CA8: variants seen among roughly 807,000 people sequenced by gnomAD.
CA8 encodes carbonic anhydrase-related protein.
Under a neutral mutation model 41.4 loss-of-function variants are expected in CA8, and 22 were observed. That is an observed-to-expected ratio of 0.53 (90% CI 0.38 to 0.76). The LOEUF (loss-of-function observed/expected upper bound fraction) is 0.76. CA8 is among the 30% of genes least tolerant of loss of function. CA8 has a pLI of 0.00. For missense variants in CA8, 270 were observed against 352.8 expected (o/e 0.77, Z 1.88); for synonymous variants, 121 against 130.6 (o/e 0.93, Z 0.50).
At chr8:60,265,471 A>ATC (rs1038523910) in intron 3 of CA8, 10 of 157,406 alleles carry the variant, frequency 6.4e-5, no homozygotes, top group African/African-American at 2.4e-4. Flanking sequence ...CTCTCAAAAA[A>ATC]TCTCTCTTTC....
intron 3 of CA8, among the ~76,000 whole-genome samples, chr8:60,246,034 C>CT (rs941015097): frequency 1.3e-5 from 2 of 152,130 alleles, no homozygotes; most frequent in African/African-American, 4.8e-5. Flanking sequence ...GCAGTGAGGA[C>CT]TTCCCTTATA....
At chr8:60,211,492 A>G (rs1254445150) in intron 7 of CA8, among the ~76,000 whole-genome samples, 1 of 152,218 alleles carries the variant, frequency 6.6e-6, no homozygotes, top group Non-Finnish European at 1.5e-5. Flanking sequence ...GCCTCAACAT[A>G]TGAAAGAATC....
chr8:60,235,013 G>T (rs962084970), intron 3 of CA8, among the ~76,000 whole-genome samples: 11 of 152,172 alleles, frequency 7.2e-5, no homozygotes, highest in Admixed American at 5.2e-4. Flanking sequence ...TAGGTGCGTG[G>T]CTCACAGGCA....
chr8:60,215,040 C>A (rs1271485618), intron 7 of CA8, among the ~76,000 whole-genome samples: 1 of 152,148 alleles, frequency 6.6e-6, no homozygotes, highest in Non-Finnish European at 1.5e-5. Flanking sequence ...ACTTAATTAT[C>A]AACCCATTTC....
At chr8:60,199,982 T>G in intron 8 of CA8, among the ~76,000 whole-genome samples, 1 of 152,232 alleles carries the variant, frequency 6.6e-6, no homozygotes, top group East Asian at 1.9e-4. Context: ...CATGGTTTCT[T>G]CTCTAACCAG....
chr8:60,250,423 T>C (rs1446762944), intron 3 of CA8, among the ~76,000 whole-genome samples: 2 of 152,218 alleles, frequency 1.3e-5, no homozygotes, highest in African/African-American at 4.8e-5. Context: ...AAGACTCAAA[T>C]CTTAGAGGAA....
At chr8:60,193,056 A>G (rs368561216) in intron 8 of CA8, among the ~76,000 whole-genome samples, 2 of 152,030 alleles carry the variant, frequency 1.3e-5, no homozygotes, top group African/African-American at 2.4e-5. Context: ...GGTTGAATCA[A>G]TTATGCAACT....
At chr8:60,205,775 TC>T (rs1183859124) in intron 8 of CA8, among the ~76,000 whole-genome samples, 1 of 152,204 alleles carries the variant, frequency 6.6e-6, no homozygotes, top group Non-Finnish European at 1.5e-5. Flanking sequence ...TAAAAATCTG[TC>T]ATTTTAAGTC....
At chr8:60,262,220 T>C (rs1224116502) in intron 3 of CA8, among the ~76,000 whole-genome samples, 2 of 151,618 alleles carry the variant, frequency 1.3e-5, no homozygotes, top group African/African-American at 2.4e-5. Context: ...ATGCAGAATG[T>C]GAACCTGTGA....
chr8:60,196,202 T>TA (rs1375026086), intron 8 of CA8, among the ~76,000 whole-genome samples: 1 of 152,052 alleles, frequency 6.6e-6, no homozygotes, highest in Non-Finnish European at 1.5e-5. Context: ...GTTTTTTCAA[T>TA]AAAAAAATTA....
At chr8:60,265,629 C>G (rs1803877389) in intron 3 of CA8, 3 of 369,096 alleles carry the variant, frequency 8.1e-6, no homozygotes, top group South Asian at 8.1e-5. Flanking sequence ...CAAAAATGAC[C>G]TACTGAATTT....
intron 8 of CA8, 198 bp downstream of exon 8, chr8:60,208,552 T>C: frequency 1.7e-6 from 1 of 582,710 alleles, no homozygotes; most frequent in Non-Finnish European, 3.0e-6. Flanking sequence ...ATAATCATAG[T>C]TTTTCTTCAA....
intron 3 of CA8, among the ~76,000 whole-genome samples, chr8:60,253,553 T>G (rs1414989414): frequency 6.6e-6 from 1 of 152,090 alleles, no homozygotes; most frequent in African/African-American, 2.4e-5. Context: ...ACCACCCTAG[T>G]CCACTCGCTG....
intron 8 of CA8, among the ~76,000 whole-genome samples, chr8:60,205,384 G>A (rs781329092): frequency 3.9e-5 from 6 of 152,148 alleles, no homozygotes; most frequent in Non-Finnish European, 8.8e-5. Context: ...GAAGTAAAAA[G>A]GCAAATAATC....
At chr8:60,202,129 C>T (rs1342128887) in intron 8 of CA8, among the ~76,000 whole-genome samples, 1 of 151,672 alleles carries the variant, frequency 6.6e-6, no homozygotes, top group Non-Finnish European at 1.5e-5. Context: ...CTGCAAGCTC[C>T]ACCTCCAGGG....
At chr8:60,213,767 T>G (rs745655265) in intron 7 of CA8, among the ~76,000 whole-genome samples, 3 of 106,724 alleles carry the variant, frequency 2.8e-5, no homozygotes, top group Non-Finnish European at 4.0e-5. Flanking sequence ...TTCTTTTGAC[T>G]TTTTTTTTTT....
At position 60,275,177 on chromosome 8, in the gene CA8, GC is replaced by G. The variant is rs552827163; in HGVS notation, c.292+4511del. On this transcript the variant is annotated intron_variant, in intron 2 of 8. Transcript: ENST00000317995. Reference sequence around the variant, plus strand: ...CAACAAAGACTCCTCCAACAACATGGCCAGGTCCTTTCTTGATCATGGTACT... The same window carrying G: ...CAACAAAGACTCCTCCAACAACATGGCAGGTCCTTTCTTGATCATGGTACT... Among the ~76,000 whole-genome samples, 115 of 152,218 alleles carry G rather than the reference GC, an allele frequency of 7.6e-4. No homozygotes were observed. In the South Asian group the frequency reaches 0.023, roughly 30 times the overall value.
chr8:60,272,182 C>T lies in CA8; in HGVS notation c.293-6133G>A, dbSNP rs79573861. Among the ~76,000 whole-genome samples the T allele has an allele frequency of 9.3e-4, 142 of 152,298 alleles. 1 individual carries two copies. Among genetic ancestry groups the T allele is most frequent in the African/African-American group, 3.3e-3 (138 of 41,560 alleles). ...TCCTCCACATCCCTGCTCCACATAA[C>T]TGACCCATGACATTCTGTAGATTGC... On this transcript the variant is annotated intron_variant, in intron 2 of 8. Transcript: ENST00000317995.
intron 3 of CA8, among the ~76,000 whole-genome samples, chr8:60,236,117 T>C (rs1807821757): frequency 6.6e-6 from 1 of 152,170 alleles, no homozygotes; most frequent in Non-Finnish European, 1.5e-5. Flanking sequence ...CTAGATGTGA[T>C]TAACATTTAA....
Sources: allele counts gnomAD v4.1 joint callset (sites outside exome capture counted in the v4.1 genomes callset), GRCh38; gene constraint gnomAD v4.1.1; transcripts MANE v1.5; gene names NCBI Gene and HGNC (gene_info 2026-07-23, HGNC 2026-07-21).